Variants in TDRD5 observed in about 807,000 individuals in gnomAD.
TDRD5 encodes the protein tudor domain-containing protein 5.
TDRD5 carries 41 observed loss-of-function variants against 120.6 expected under a neutral mutation model. That is an observed-to-expected ratio of 0.34 (90% CI 0.26 to 0.44). The LOEUF (loss-of-function observed/expected upper bound fraction) is 0.44. Among genes scored for constraint, TDRD5 ranks in the 20% least tolerant of loss-of-function variants. The pLI is 1.00. For missense variants in TDRD5, 1,006 were observed against 1,221.2 expected, an observed-to-expected ratio of 0.82 and a Z score of 2.63; for synonymous variants, 430 against 433.7, an observed-to-expected ratio of 0.99 and a Z score of 0.11.
chr1:179,593,956 T>C, intron 3 of TDRD5, 89 bp downstream of exon 3: 1 of 1,482,312 alleles, frequency 6.7e-7, no homozygotes, highest in East Asian at 2.3e-5. Flanking sequence ...AGTTGAAGCC[T>C]GGCTCTACTA....
intron 9 of TDRD5, among the ~76,000 whole-genome samples, chr1:179,637,870 G>A (rs190191347): frequency 6.6e-6 from 1 of 152,224 alleles, no homozygotes; most frequent in South Asian, 2.1e-4. Flanking sequence ...ATAAAAGGGA[G>A]TCGTTCTGCC....
chr1:179,685,522 C>A (rs1029830520), intron 17 of TDRD5, among the ~76,000 whole-genome samples: 4 of 152,084 alleles, frequency 2.6e-5, no homozygotes, highest in Admixed American at 6.5e-5. Context: ...CTTGGCAATG[C>A]GGGCTCTGTT....
chr1:179,604,241 G>A (rs1675859834), intron 4 of TDRD5, among the ~76,000 whole-genome samples: 1 of 151,648 alleles, frequency 6.6e-6, no homozygotes, highest in Non-Finnish European at 1.5e-5. Flanking sequence ...TTCATTTCTT[G>A]ATGAGGTTAT....
intron 11 of TDRD5, 62 bp from the exon 12 acceptor site, chr1:179,650,805 A>G (rs1360507377): frequency 1.3e-6 from 2 of 1,528,262 alleles, no homozygotes; most frequent in Non-Finnish European, 1.8e-6. Context: ...ATTGTTGTAT[A>G]TGGTTATTAT....
chr1:179,595,655 T>G lies in TDRD5; in HGVS notation c.668T>G (p.Met223Arg), dbSNP rs1675349095. Residue 223 changes from methionine (M) to arginine (R), a missense_variant, in exon 4 of 18, where the codon ATG becomes AGG. Transcript: ENST00000444136. Reference protein sequence around the residue: ...AGKIFTQPFRMKQGSYSTGFP... With the variant: ...AGKIFTQPFRRKQGSYSTGFP... The stretch of plus-strand genomic sequence containing the variant: ...AAAATTTTTACCCAGCCATTTAGAA[T>G]GAAACAAGGGTCATACTCCACAGGC... 1.3e-6 allele frequency: 2 copies of G among 1,589,866 alleles called. No homozygotes were observed. Among genetic ancestry groups the G allele is most frequent in the African/African-American group, 1.4e-5 (1 of 73,420 alleles).
At chr1:179,688,259 G>A (rs1680860886) in intron 17 of TDRD5, among the ~76,000 whole-genome samples, 1 of 152,080 alleles carries the variant, frequency 6.6e-6, no homozygotes, top group South Asian at 2.1e-4. Flanking sequence ...AAATCTCTCA[G>A]CATTTGCTTG....
intron 1 of TDRD5, 21 bp from the exon 2 acceptor site, chr1:179,592,581 C>A: frequency 6.3e-7 from 1 of 1,592,458 alleles, no homozygotes; most frequent in South Asian, 1.1e-5. Context: ...CCCTTTTCCT[C>A]AGCTGCGTTT....
At chr1:179,597,332 C>CTTTTT (rs945509784) in intron 4 of TDRD5, among the ~76,000 whole-genome samples, 4 of 125,570 alleles carry the variant, frequency 3.2e-5, no homozygotes, top group African/African-American at 5.9e-5. Flanking sequence ...TTCTTTTTTT[C>CTTTTT]TTTTTTTTTT....
At chr1:179,688,690 C>T (rs896091017) in intron 17 of TDRD5, among the ~76,000 whole-genome samples, 22 of 152,282 alleles carry the variant, frequency 1.4e-4, no homozygotes, top group East Asian at 3.9e-4. Context: ...ACCAATCAGA[C>T]GTAGATTTGG....
At chr1:179,640,772 G>T (rs1678000801) in intron 11 of TDRD5, among the ~76,000 whole-genome samples, 1 of 152,160 alleles carries the variant, frequency 6.6e-6, no homozygotes, top group Admixed American at 6.6e-5. Flanking sequence ...AGCAAAGGGA[G>T]GGTAGCATGA....
At chr1:179,670,408 T>A (rs1209997683) in intron 17 of TDRD5, among the ~76,000 whole-genome samples, 3 of 150,466 alleles carry the variant, frequency 2.0e-5, no homozygotes, top group Non-Finnish European at 4.4e-5. Context: ...AAAAAAAAAA[T>A]TATATATGTA....
At chr1:179,597,335 T>TC in intron 4 of TDRD5, among the ~76,000 whole-genome samples, 1 of 145,660 alleles carries the variant, frequency 6.9e-6, no homozygotes, top group Admixed American at 6.8e-5. Context: ...TTTTTTTCTT[T>TC]TTTTTTTTTT....
In TDRD5 at chr1:179,634,494, C is replaced by G. The variant is rs138843878; in HGVS notation, c.1164C>G (p.Val388=). The G allele has an allele frequency of 1.1e-5, 18 of 1,608,944 alleles. No individual in the cohort carries two copies. The highest frequency in any genetic ancestry group is 8.1e-5 in the African/African-American group (6 of 74,442). Residue 388 remains valine (V), a synonymous_variant, in exon 8 of 18, where the codon GTC becomes GTG. Coordinates refer to ENST00000444136, the MANE Select transcript of TDRD5 (RefSeq NM_001199085.3). ...AGAAAATAGAAGCCAAAGCTTGTGT[C>G]TCCAGTCCACCTAGAAATTCATTGT... ...SDKKIEAKAC[V]SSPPRNSLST...
rs759159193 is a variant in TDRD5, at chr1:179,621,033, A to G, written c.916-2A>G. On this transcript the variant is annotated splice_acceptor_variant, in intron 5 of 17. Coordinates refer to ENST00000444136, the MANE Select transcript of TDRD5 (RefSeq NM_001199085.3). LOFTEE classifies it high-confidence loss of function. Reference sequence around the variant, plus strand: ...TATTGTATTTCACTTTCTATTTGTTAGGTTGTATCTAAGTTCCCAGAGGGT... The same window carrying G: ...TATTGTATTTCACTTTCTATTTGTTGGGTTGTATCTAAGTTCCCAGAGGGT... 6.3e-7 allele frequency: 1 copy of G among 1,596,970 alleles called. No homozygotes were observed. Among genetic ancestry groups the G allele is most frequent in the South Asian group, 1.1e-5 (1 of 88,188 alleles).
intron 17 of TDRD5, among the ~76,000 whole-genome samples, chr1:179,670,730 G>A (rs1679817571): frequency 6.6e-6 from 1 of 152,100 alleles, no homozygotes; most frequent in East Asian, 1.9e-4. Flanking sequence ...GCCTGTTCAA[G>A]TATTTATTTA....
chr1:179,664,117 G>A (rs537696691), intron 16 of TDRD5, among the ~76,000 whole-genome samples: 1 of 152,206 alleles, frequency 6.6e-6, no homozygotes, highest in East Asian at 1.9e-4. Context: ...GCAGATCTAG[G>A]GAAGATGAAC....
chr1:179,655,404 C>G (rs1414058631), intron 14 of TDRD5, among the ~76,000 whole-genome samples: 2 of 152,140 alleles, frequency 1.3e-5, no homozygotes, highest in Non-Finnish European at 1.5e-5. Context: ...ACTGTTACAC[C>G]TTTTTTTCCC....
intron 7 of TDRD5, among the ~76,000 whole-genome samples, chr1:179,633,473 T>A (rs1377880506): frequency 2.6e-5 from 4 of 151,980 alleles, no homozygotes; most frequent in Non-Finnish European, 4.4e-5. Context: ...TGCCTCGGCC[T>A]CCCAAGTAGC....
In TDRD5 at chr1:179,671,147, A is replaced by C. The variant is rs140652471; in HGVS notation, c.2860+1743A>C. Among the ~76,000 whole-genome samples the C allele has an allele frequency of 6.9e-3, 1,056 of 152,332 alleles. 5 individuals are homozygous for C. The highest frequency in any genetic ancestry group is 8.9e-3 in the Non-Finnish European group (606 of 68,024). On this transcript the variant is annotated intron_variant, in intron 17 of 17. Transcript: ENST00000444136. ...GCCTTGACACCTTTGCCAAAAGTCA[A>C]TAGGCTGTATTTGTGAGGATCTGTT...
Sources: gnomAD v4.1 joint callset for allele counts (sites outside exome capture counted in the v4.1 genomes callset) on GRCh38, gnomAD v4.1.1 for gene constraint, MANE v1.5 for transcripts, NCBI Gene and HGNC (gene_info 2026-07-23, HGNC 2026-07-21) for gene names.